SHANK1: variants seen among roughly 807,000 people sequenced by gnomAD.
SHANK1 encodes the protein SH3 and multiple ankyrin repeat domains 1.
In SHANK1, 35 loss-of-function variants were observed where a neutral mutation model predicts 165.6. That is an observed-to-expected ratio of 0.21 (90% CI 0.16 to 0.28). The LOEUF is 0.28. Among genes scored for constraint, SHANK1 ranks in the 10% least tolerant of loss-of-function variants. The pLI is 1.00. For synonymous variants in SHANK1, 1,428 were observed against 1,384.8 expected, an observed-to-expected ratio of 1.03 and a Z score of -0.69; for missense variants, 2,681 against 3,036.4, an observed-to-expected ratio of 0.88 and a Z score of 2.75.
intron 21 of SHANK1, among the ~76,000 whole-genome samples, chr19:50,685,485 G>A (rs1015490668): frequency 2.6e-5 from 4 of 152,138 alleles, no homozygotes; most frequent in African/African-American, 9.7e-5. Context: ...GCACTTTGGA[G>A]GGCTGAGGCG....
At chr19:50,672,167 T>C in intron 21 of SHANK1, 53 bp from the exon 22 acceptor site, 2 of 1,430,152 alleles carry the variant, frequency 1.4e-6, no homozygotes, top group Admixed American at 1.8e-5. Context: ...GAGAGATCAG[T>C]CAGCGCAGAA....
chr19:50,693,444 C>T (rs890352842), intron 15 of SHANK1, among the ~76,000 whole-genome samples: 2 of 151,770 alleles, frequency 1.3e-5, no homozygotes, highest in Non-Finnish European at 2.9e-5. Context: ...ACTACCTGCC[C>T]TGCAGGAGCC....
At position 50,703,621 on chromosome 19, in the gene SHANK1, TG is replaced by T; in HGVS notation, c.1431del (p.Thr478ProfsTer85). The T allele has an allele frequency of 6.4e-7, 1 of 1,554,402 alleles. No homozygotes were observed. Among genetic ancestry groups the T allele is most frequent in the Non-Finnish European group, 8.7e-7 (1 of 1,152,544 alleles). On this transcript the variant is annotated frameshift_variant, in exon 11 of 24. Transcript: ENST00000293441. LOFTEE classifies it high-confidence loss of function. ...AGGGTCCCGCTGCTGAGCTTGGTGG[TG>T]GGGGCCGAGGGCTGCGACTGGCCCT... Reference protein sequence around the residue: ...GSQGQSQPSAPTTKLSSGTLR... With the variant: ...GSQGQSQPSAXTTKLSSGTLR...
chr19:50,666,735 G>T lies in SHANK1; in HGVS notation c.5225C>A (p.Thr1742Asn), dbSNP rs771491253. 6.4e-7 allele frequency: 1 copy of T among 1,566,502 alleles called. No homozygotes were observed. The highest frequency in any genetic ancestry group is 2.4e-5 in the East Asian group (1 of 42,528). ...CTGAGGAGGGTATGGCGGGCCGGGA[G>T]TACTGCTGCCCCCAAAGGCCTGGCC... ...LDGQAFGGSS[T>N]PGPPYPPQLM... The change falls in exon 23 of 24, where the codon ACT becomes AAT. Residue 1742 changes from threonine to asparagine, a missense_variant. Transcript: ENST00000293441.
At position 50,697,795 on chromosome 19, in the gene SHANK1, C is replaced by A; in HGVS notation, c.1861+48G>T. On this transcript the variant is annotated intron_variant, in intron 13 of 23. Coordinates refer to ENST00000293441, the MANE Select transcript of SHANK1 (RefSeq NM_016148.5). This position sits in a 1 kb window ranked among gnomAD's most constrained non-coding sequence, Gnocchi z 4.7. ...CCCATTAGGAAGGGAAAGGAGTGGA[C>A]GTGGGAATCCTAGGGTCCATTGAAC... is the stretch of plus-strand genomic sequence containing the variant. 1.3e-6 allele frequency: 2 copies of A among 1,544,258 alleles called. No homozygotes were observed. Among genetic ancestry groups the A allele is most frequent in the Non-Finnish European group, 1.8e-6 (2 of 1,118,500 alleles).
Position 50,716,139 on chromosome 19 carries a change from T to C in SHANK1, c.459+136A>G. On this transcript the variant is annotated intron_variant, in intron 3 of 23. Transcript: ENST00000293441. The surrounding 1 kb of genome is among the most constrained non-coding windows in gnomAD (Gnocchi z 8.4). ...AACTCAGGACTCTCTGACTTCCCTG[T>C]GATGCTTAGAAGGTCTGGACTCGCA... 1.2e-6 allele frequency: 1 copy of C among 804,744 alleles called. No homozygotes were observed. Among genetic ancestry groups the C allele is most frequent in the Non-Finnish European group, 2.1e-6 (1 of 478,338 alleles). The allele number at this position is 804,744 out of a possible 1,614,324, so 49.9% of individuals were successfully genotyped here. A position where few individuals can be genotyped will look rare whatever the true frequency, so the allele number is the denominator to read the frequency against.
At chr19:50,665,380 C>T (rs866904930) in intron 23 of SHANK1, among the ~76,000 whole-genome samples, 9 of 151,770 alleles carry the variant, frequency 5.9e-5, no homozygotes, top group Non-Finnish European at 1.0e-4. Flanking sequence ...GCCTGGCCCA[C>T]GTGGCAAAAC....
At chr19:50,671,125 C>T (rs1333588934) in intron 22 of SHANK1, among the ~76,000 whole-genome samples, 1 of 150,732 alleles carries the variant, frequency 6.6e-6, no homozygotes, top group Non-Finnish European at 1.5e-5. Context: ...CTGCACCCTG[C>T]CCCCTACCCA....
intron 21 of SHANK1, among the ~76,000 whole-genome samples, chr19:50,680,571 C>T (rs1286813495): frequency 6.6e-6 from 1 of 152,126 alleles, no homozygotes; most frequent in Non-Finnish European, 1.5e-5. Context: ...CCCCTGCTGT[C>T]CCTACCTCCT....
chr19:50,712,781 T>C (rs1282029069), intron 6 of SHANK1, among the ~76,000 whole-genome samples: 2 of 152,252 alleles, frequency 1.3e-5, no homozygotes, highest in Admixed American at 1.3e-4. Flanking sequence ...GGTCTGCAAC[T>C]GCACCACCCT....
rs778138385 is a variant in SHANK1 at position 50,661,812 on chromosome 19, C to A, written c.*153G>T. On this transcript the variant is annotated 3_prime_UTR_variant, in exon 24 of 24. Transcript: ENST00000293441. ...TGCAAATGTCCGGCCTGGATTGGGCCACCTGGTGACCTCTGGCCTTGGGAG... is the reference window on the plus strand; with the variant it reads ...TGCAAATGTCCGGCCTGGATTGGGCAACCTGGTGACCTCTGGCCTTGGGAG... 3 of 785,654 alleles carry A rather than the reference C, an allele frequency of 3.8e-6. No homozygotes were observed. Among genetic ancestry groups the A allele is most frequent in the Non-Finnish European group, 6.1e-6 (3 of 488,798 alleles). 48.7% of individuals were successfully genotyped at this position (785,654 alleles called of 1,614,324 possible).
rs528718107 is a variant in SHANK1 at position 50,717,442 on chromosome 19, T to C, written c.-43-480A>G. Among the ~76,000 whole-genome samples, 1 of 152,116 alleles carries C rather than the reference T, an allele frequency of 6.6e-6. No homozygotes were observed. Among genetic ancestry groups the C allele is most frequent in the African/African-American group, 2.4e-5 (1 of 41,488 alleles). ...GTTGGGGAGAAGCTGAGGCTGACAC[T>C]GAGATGTAGTAAGGGGGAGAGGGAG... On this transcript the variant is annotated intron_variant, in intron 1 of 23. Coordinates refer to ENST00000293441, the MANE Select transcript of SHANK1 (RefSeq NM_016148.5). The surrounding 1 kb of genome is among the most constrained non-coding windows in gnomAD (Gnocchi z 5.5).
chr19:50,688,140 C>A lies in SHANK1; in HGVS notation c.2173-82G>T. The stretch of plus-strand genomic sequence containing the variant: ...GCTTCAGAGACCCCAAGGAGGATGC[C>A]TCCTGCGCTGCCCTGTCCATGGCCC... On this transcript the variant is annotated intron_variant, in intron 17 of 23. Transcript: ENST00000293441. The surrounding 1 kb of genome is among the most constrained non-coding windows in gnomAD (Gnocchi z 6.7). The A allele has an allele frequency of 6.5e-7, 1 of 1,535,782 alleles. No individual in the cohort carries two copies. The highest frequency in any genetic ancestry group is 8.9e-7 in the Non-Finnish European group (1 of 1,123,056).
At chr19:50,689,320 G>A (rs1440459127) in intron 15 of SHANK1, 41 bp from the exon 16 acceptor site, 1 of 1,417,198 alleles carries the variant, frequency 7.1e-7, no homozygotes. Flanking sequence ...GGTGGGGGGA[G>A]TGGAGAAGAC....
chr19:50,688,146 C>G lies in SHANK1; in HGVS notation c.2173-88G>C. The G allele has an allele frequency of 6.7e-7, 1 of 1,484,734 alleles. No homozygotes were observed. The highest frequency in any genetic ancestry group is 9.3e-7 in the Non-Finnish European group (1 of 1,079,534). The allele number at this position is 1,484,734 out of a possible 1,614,324, so 92.0% of individuals were successfully genotyped here. A position where few individuals can be genotyped will look rare whatever the true frequency, so the allele number is the denominator to read the frequency against. On this transcript the variant is annotated intron_variant, in intron 17 of 23. Coordinates refer to ENST00000293441, the MANE Select transcript of SHANK1 (RefSeq NM_016148.5). This position sits in a 1 kb window ranked among gnomAD's most constrained non-coding sequence, Gnocchi z 6.7. Reference sequence around the variant, plus strand: ...GAGACCCCAAGGAGGATGCCTCCTGCGCTGCCCTGTCCATGGCCCTCTGGG... The same window carrying G: ...GAGACCCCAAGGAGGATGCCTCCTGGGCTGCCCTGTCCATGGCCCTCTGGG...
chr19:50,662,203 G>A lies in SHANK1; in HGVS notation c.6248C>T (p.Ser2083Leu), dbSNP rs768907456. 51 of 1,609,512 alleles carry A rather than the reference G, an allele frequency of 3.2e-5. No individual in the cohort carries two copies. Among genetic ancestry groups the A allele is most frequent in the Non-Finnish European group, 3.6e-5 (42 of 1,176,628 alleles). ...GCCAAACGGCTTGTCCGGGGGCAGC[G>A]AGAGCAGGCGGGTCGGTGAGAGGGA... ...SRSLSPTRLL[S>L]LPPDKPFGAK... is the part of the protein sequence containing the mutation. Residue 2083 changes from serine (S) to leucine (L), a missense_variant, in exon 24 of 24, where the codon TCG becomes TTG. Ser to Leu is a moderately radical substitution (Grantham distance 145). Transcript: ENST00000293441. This position sits in a 1 kb window ranked among gnomAD's most constrained non-coding sequence, Gnocchi z 7.7.
chr19:50,672,235 G>T (rs1985820697), intron 21 of SHANK1, 121 bp from the exon 22 acceptor site: 1 of 807,836 alleles, frequency 1.2e-6, no homozygotes, highest in African/African-American at 1.7e-5. Flanking sequence ...CCTGCCGTAA[G>T]GGAGAGCAGT....
intron 21 of SHANK1, among the ~76,000 whole-genome samples, chr19:50,680,260 G>A (rs1986133984): frequency 6.6e-6 from 1 of 152,044 alleles, no homozygotes; most frequent in South Asian, 2.1e-4. Context: ...AGAGGGCGAT[G>A]GGAAGCATGG....
At chr19:50,711,045 T>G (rs2089002277) in intron 8 of SHANK1, 1 of 238,824 alleles carries the variant, frequency 4.2e-6, no homozygotes, top group African/African-American at 2.2e-5. Context: ...GGATCTGGAT[T>G]CCCTGTGACT....
Sources: gnomAD v4.1 joint callset for allele counts (sites outside exome capture counted in the v4.1 genomes callset) on GRCh38, gnomAD v4.1.1 for gene constraint, Gnocchi (gnomAD v3.1) non-coding constraint, MANE v1.5 for transcripts, NCBI Gene and HGNC (gene_info 2026-07-23, HGNC 2026-07-21) for gene names.